Variants in ANKAR observed in about 807,000 individuals in gnomAD.
ANKAR encodes ankyrin and armadillo repeat-containing protein.
Under a neutral mutation model 146.2 loss-of-function variants are expected in ANKAR, and 136 were observed. The ratio of observed to expected loss-of-function variants is 0.93; its 90% CI spans 0.81 to 1.07. The LOEUF is 1.07. Among genes scored for constraint, ANKAR ranks in the 50% least tolerant of loss-of-function variants. The probability of loss-of-function intolerance (pLI) is 0.00; values close to 1 mark genes in which losing one functional copy is unlikely to be tolerated. For synonymous variants in ANKAR, 500 were observed against 575.8 expected (o/e 0.87, Z 1.88); for missense variants, 1,567 against 1,679.9 (o/e 0.93, Z 1.18).
chr2:189,719,897 A>ATTT, intron 11 of ANKAR, 84 bp downstream of exon 11: 4 of 1,344,110 alleles, frequency 3.0e-6, no homozygotes, highest in Non-Finnish European at 4.0e-6. Context: ...CCACGTTACT[A>ATTT]TTCAGTGACA....
At chr2:189,707,734 A>G (rs1460354633) in intron 9 of ANKAR, among the ~76,000 whole-genome samples, 1 of 152,010 alleles carries the variant, frequency 6.6e-6, no homozygotes, top group East Asian at 1.9e-4. Flanking sequence ...CTAAAATTAC[A>G]TGGAGATTAA....
chr2:189,676,665 G>A lies in ANKAR; in HGVS notation c.175G>A (p.Glu59Lys). The change falls in exon 2 of 23, where the codon GAG (glutamate) becomes AAG (lysine). Residue 59 changes from glutamate to lysine, a missense_variant. By Grantham distance (56) the Glu-to-Lys change is moderately conservative (BLOSUM62 1). Coordinates refer to ENST00000684021, the MANE Select transcript of ANKAR (RefSeq NM_001378068.1). ...TALVSWLSAKEDVRSQVDLPC... is the reference protein window; with the variant it reads ...TALVSWLSAKKDVRSQVDLPC... The stretch of plus-strand genomic sequence containing the variant: ...ACTAGTTAGCTGGTTGTCTGCCAAA[G>A]AGGATGTGCGCTCTCAAGTAGACCT... The A allele has an allele frequency of 6.2e-7, 1 of 1,614,198 alleles. No homozygotes were observed. Among genetic ancestry groups the A allele is most frequent in the Non-Finnish European group, 8.5e-7 (1 of 1,180,044 alleles).
At chr2:189,734,194 A>G (rs1451474341) in intron 17 of ANKAR, among the ~76,000 whole-genome samples, 1 of 152,210 alleles carries the variant, frequency 6.6e-6, no homozygotes, top group East Asian at 1.9e-4. Flanking sequence ...GGGGTCTGCC[A>G]TAGTTCTTCG....
intron 18 of ANKAR, chr2:189,755,488 A>G (rs1469499887): frequency 1.9e-6 from 3 of 1,604,244 alleles, no homozygotes; most frequent in Non-Finnish European, 8.5e-7. Context: ...TGGCAGAAAG[A>G]GCTTCTTGTA....
Position 189,728,425 on chromosome 2 carries a change from G to T in ANKAR, c.3031+5G>T, listed in dbSNP as rs539216973. 9.6e-5 allele frequency: 151 copies of T among 1,578,274 alleles called. No individual in the cohort carries two copies. Among genetic ancestry groups the T allele is most frequent in the Admixed American group, 3.1e-4 (16 of 52,348 alleles). On this transcript the variant is annotated splice_donor_5th_base_variant and intron_variant, in intron 14 of 22. Transcript: ENST00000684021. Reference sequence around the variant, plus strand: ...CAGCTAAAATGCAGTATGTTGGTAAGTTATTTTCCTTATTTTATTTTTATT... The same window carrying T: ...CAGCTAAAATGCAGTATGTTGGTAATTTATTTTCCTTATTTTATTTTTATT...
At chr2:189,745,036 C>CTACTACTACTACT (rs1553537073) in intron 22 of ANKAR, among the ~76,000 whole-genome samples, 4 of 93,962 alleles carry the variant, frequency 4.3e-5, no homozygotes, top group East Asian at 3.1e-4. Flanking sequence ...ACTAATAATA[C>CTACTACTACTACT]AAAAATTAGC....
At chr2:189,703,093 G>C (rs1345441268) in intron 7 of ANKAR, among the ~76,000 whole-genome samples, 2 of 152,192 alleles carry the variant, frequency 1.3e-5, no homozygotes, top group Non-Finnish European at 2.9e-5. Flanking sequence ...AGGAGAACAA[G>C]GTATGAATGG....
At chr2:189,682,033 T>A (rs1241114137) in intron 2 of ANKAR, among the ~76,000 whole-genome samples, 6 of 152,200 alleles carry the variant, frequency 3.9e-5, no homozygotes, top group Non-Finnish European at 8.8e-5. Context: ...GCTGGGAACC[T>A]TAACAAATCC....
chr2:189,692,704 G>A lies in ANKAR; in HGVS notation c.1203+286G>A, dbSNP rs1056738419. On this transcript the variant is annotated intron_variant, in intron 4 of 22. Coordinates refer to ENST00000684021, the MANE Select transcript of ANKAR (RefSeq NM_001378068.1). ...ATGGACTATATTTGTCCCAGAACAG[G>A]TAACCAAAGAGTGCAGTAGAAATCT... 3 of 284,490 alleles carry A rather than the reference G, an allele frequency of 1.1e-5. No individual in the cohort carries two copies. The South Asian group carries it at 2.1e-4, about 19-fold the overall frequency. 17.6% of individuals were successfully genotyped at this position (284,490 alleles called of 1,614,324 possible).
At chr2:189,752,622 T>G in intron 18 of ANKAR, 1 of 1,609,234 alleles carries the variant, frequency 6.2e-7, no homozygotes, top group African/African-American at 1.3e-5. Flanking sequence ...GTAATGTAAC[T>G]TGCATAAAGA....
downstream of ANKAR, chr2:189,762,513 G>A: frequency 1.2e-6 from 1 of 842,410 alleles, no homozygotes; most frequent in Non-Finnish European, 1.4e-6. Flanking sequence ...TGGACAAGGA[G>A]GATTGTACGA....
chr2:189,678,683 C>T (rs909789802), intron 2 of ANKAR, among the ~76,000 whole-genome samples: 1 of 152,124 alleles, frequency 6.6e-6, no homozygotes, highest in Non-Finnish European at 1.5e-5. Context: ...AATAAGGGTG[C>T]CCTTTCCCCA....
chr2:189,759,393 C>T lies in ANKAR; in HGVS notation c.*585-1705C>T, dbSNP rs1174819781. On this transcript the variant is annotated intron_variant and NMD_transcript_variant, in intron 18 of 18. Transcript: ENST00000441800. ...CCTCCCAAGTAGCTGCGACTACAGG[C>T]GTCCGCCACCACGCCTGGCTAATTT... Among the ~76,000 whole-genome samples the T allele has an allele frequency of 4.6e-5, 7 of 152,260 alleles. 1 individual carries two copies. Among genetic ancestry groups the T allele is most frequent in the Middle Eastern group, 3.4e-3 (1 of 294 alleles).
chr2:189,742,858 ATTACC>A (rs1196368489), intron 20 of ANKAR, among the ~76,000 whole-genome samples: 1 of 26,522 alleles, frequency 3.8e-5, no homozygotes, highest in African/African-American at 5.5e-5. Context: ...ACACATTAGA[ATTACC>A]TGACACACAC....
intron 2 of ANKAR, among the ~76,000 whole-genome samples, chr2:189,685,787 A>G (rs2035499639): frequency 6.6e-6 from 1 of 152,096 alleles, no homozygotes; most frequent in Non-Finnish European, 1.5e-5. Context: ...AACTGTGGAT[A>G]TCTTGGTTCA....
chr2:189,678,666 T>C (rs370861928), intron 2 of ANKAR, among the ~76,000 whole-genome samples: 1 of 152,180 alleles, frequency 6.6e-6, no homozygotes. Flanking sequence ...CCCAGCACCA[T>C]TTGTTGAATA....
exon 19 of ANKAR, chr2:189,761,193 A>C: frequency 3.6e-3 from 973 of 270,898 alleles, no homozygotes; most frequent in East Asian, 7.2e-3. Flanking sequence ...GAAGCTGGGA[A>C]TGAGCTCAGT....
intron 11 of ANKAR, among the ~76,000 whole-genome samples, chr2:189,720,373 G>A (rs992894590): frequency 6.6e-6 from 1 of 151,314 alleles, no homozygotes; most frequent in Non-Finnish European, 1.5e-5. Flanking sequence ...TCATCCTCCC[G>A]AGTAGCTGGA....
chr2:189,717,538 A>C (rs2040637155), intron 10 of ANKAR, among the ~76,000 whole-genome samples: 1 of 152,194 alleles, frequency 6.6e-6, no homozygotes, highest in Non-Finnish European at 1.5e-5. Context: ...GCGATTCCTC[A>C]AGGATCTAGA....
Sources: gnomAD v4.1 joint callset for allele counts (sites outside exome capture counted in the v4.1 genomes callset) on GRCh38, gnomAD v4.1.1 for gene constraint, MANE v1.5 for transcripts, NCBI Gene and HGNC (gene_info 2026-07-23, HGNC 2026-07-21) for gene names.